Variants in DNAH7 observed in about 807,000 individuals in gnomAD.
DNAH7 encodes the protein dynein axonemal heavy chain 7.
In DNAH7, 397 loss-of-function variants were observed where a neutral mutation model predicts 444.6. That is an observed-to-expected ratio of 0.89 (90% CI 0.82 to 0.97). The LOEUF (loss-of-function observed/expected upper bound fraction) is 0.97. Among genes scored for constraint, DNAH7 ranks in the 50% least tolerant of loss-of-function variants. The pLI is 0.00. For missense variants in DNAH7, 4,902 were observed against 4,800.8 expected (o/e 1.02, Z -0.62); for synonymous variants, 1,636 against 1,624.4 (o/e 1.01, Z -0.17).
At chr2:196,024,295 T>C (rs1695547435) in intron 8 of DNAH7, 134 bp downstream of exon 8, 1 of 518,460 alleles carries the variant, frequency 1.9e-6, no homozygotes, top group Non-Finnish European at 3.1e-6. Flanking sequence ...TGCCTGTATA[T>C]GAAATACATA....
chr2:196,027,908 T>G, intron 6 of DNAH7, 52 bp downstream of exon 6: 1 of 1,534,844 alleles, frequency 6.5e-7, no homozygotes, highest in Non-Finnish European at 8.9e-7. Context: ...AAAATTATCT[T>G]CAAGTGTTTC....
At chr2:196,017,126 G>A (rs148286487) in intron 9 of DNAH7, among the ~76,000 whole-genome samples, 7 of 151,562 alleles carry the variant, frequency 4.6e-5, no homozygotes, top group Admixed American at 1.3e-4. Flanking sequence ...GTTATTTTCC[G>A]GCCTCAGCCT....
At chr2:195,922,574 C>T (rs1444787423) in intron 23 of DNAH7, among the ~76,000 whole-genome samples, 1 of 152,166 alleles carries the variant, frequency 6.6e-6, no homozygotes, top group Non-Finnish European at 1.5e-5. Flanking sequence ...ATGATTCCGC[C>T]ATCTGAGCTT....
In DNAH7 at chr2:195,864,810, T is replaced by A; in HGVS notation, c.6845A>T (p.Asn2282Ile). ...ATCCACATCTGCGATTTCTCTGTAG[T>A]TGGTATCCTCCCTCTTGGGATCATG... ...DFHDPKREDT[N>I]YREIADVDNL... The change falls in exon 41 of 65, where the codon AAC (asparagine) becomes ATC (isoleucine). Residue 2282 changes from asparagine (N) to isoleucine (I), a missense_variant. Transcript: ENST00000312428. 6.2e-7 allele frequency: 1 copy of A among 1,614,220 alleles called. No individual in the cohort carries two copies. Among genetic ancestry groups the A allele is most frequent in the Non-Finnish European group, 8.5e-7 (1 of 1,180,026 alleles).
rs1402686177 is a variant in DNAH7, at chr2:195,936,496, AT to A, written c.3272+102del. 4.2e-6 allele frequency: 3 copies of A among 711,262 alleles called. No individual in the cohort carries two copies. The Admixed American group carries it at 1.2e-4, about 27-fold the overall frequency. 44.1% of individuals were successfully genotyped at this position (711,262 alleles called of 1,614,324 possible). ...TACTTGGAACATTCTTGTAGAAAAA[AT>A]ATTATATAAACATGATTATATATAT... On this transcript the variant is annotated intron_variant, in intron 20 of 64. Coordinates refer to ENST00000312428, the MANE Select transcript of DNAH7 (RefSeq NM_018897.3).
chr2:195,940,796 G>C (rs1349610088), intron 19 of DNAH7, among the ~76,000 whole-genome samples: 2 of 152,116 alleles, frequency 1.3e-5, no homozygotes, highest in Non-Finnish European at 2.9e-5. Flanking sequence ...TGTTATTAGA[G>C]AAATGCAAAT....
chr2:195,931,564 T>C (rs1322737297), intron 21 of DNAH7, among the ~76,000 whole-genome samples: 1 of 151,834 alleles, frequency 6.6e-6, no homozygotes, highest in African/African-American at 2.4e-5. Flanking sequence ...AGGTCTAACA[T>C]TTAAGTCTTT....
intron 27 of DNAH7, among the ~76,000 whole-genome samples, chr2:195,906,410 AACAC>A (rs150739355): frequency 7.2e-6 from 1 of 139,780 alleles, no homozygotes. Flanking sequence ...TACACACAGA[AACAC>A]ACACACACAC....
At chr2:195,785,736 G>A (rs1012996328) in intron 58 of DNAH7, among the ~76,000 whole-genome samples, 45 of 151,644 alleles carry the variant, frequency 3.0e-4, no homozygotes, top group Admixed American at 2.9e-3. Context: ...AACCAGTCTC[G>A]CATACCTGCA....
intron 19 of DNAH7, among the ~76,000 whole-genome samples, chr2:195,953,386 T>C (rs1421156260): frequency 6.6e-6 from 1 of 151,922 alleles, no homozygotes; most frequent in Non-Finnish European, 1.5e-5. Flanking sequence ...GGCTGGGAGG[T>C]ATTTCCCAGT....
chr2:195,808,792 G>C lies in DNAH7; in HGVS notation c.9973C>G (p.Gln3325Glu). ...PYANLCTWLPQKSWDEICRLD... is the reference protein window; with the variant it reads ...PYANLCTWLPEKSWDEICRLD... Reference sequence around the variant, plus strand: ...CGACATATTTCATCCCAGGATTTCTGAGGAAGCCATGTACAAAGGTTGGCA... The same window carrying C: ...CGACATATTTCATCCCAGGATTTCTCAGGAAGCCATGTACAAAGGTTGGCA... Residue 3325 changes from glutamine to glutamate, a missense_variant, in exon 53 of 65, where the codon CAG (glutamine) becomes GAG (glutamate). Transcript: ENST00000312428. 1 of 1,613,982 alleles carries C rather than the reference G, an allele frequency of 6.2e-7. No individual in the cohort carries two copies. Among genetic ancestry groups the C allele is most frequent in the Non-Finnish European group, 8.5e-7 (1 of 1,179,944 alleles).
At chr2:195,754,620 C>A in intron 62 of DNAH7, 106 bp from the exon 63 acceptor site, 1 of 1,060,630 alleles carries the variant, frequency 9.4e-7, no homozygotes, top group East Asian at 2.6e-5. Context: ...AGGTGATCCT[C>A]TCACCTCAGC....
intron 61 of DNAH7, among the ~76,000 whole-genome samples, chr2:195,761,036 T>G (rs1359126180): frequency 1.3e-5 from 2 of 151,998 alleles, no homozygotes; most frequent in African/African-American, 2.4e-5. Flanking sequence ...TATGTGACCT[T>G]GCAGACAGAG....
At chr2:195,988,915 A>G (rs561319820) in intron 12 of DNAH7, among the ~76,000 whole-genome samples, 21 of 152,270 alleles carry the variant, frequency 1.4e-4, no homozygotes, top group African/African-American at 5.1e-4. Flanking sequence ...TTCAGATTCA[A>G]CATATAAGTG....
intron 17 of DNAH7, among the ~76,000 whole-genome samples, chr2:195,966,414 C>T (rs540897128): frequency 1.3e-5 from 2 of 152,192 alleles, no homozygotes; most frequent in East Asian, 1.9e-4. Flanking sequence ...GAGAAGAATT[C>T]GCGTTCTGCA....
chr2:196,029,114 G>A (rs1045419533), intron 5 of DNAH7, among the ~76,000 whole-genome samples: 6 of 152,116 alleles, frequency 3.9e-5, no homozygotes, highest in African/African-American at 7.2e-5. Flanking sequence ...GAGAGAAAAG[G>A]GTTGATTATT....
rs751414269 is a variant in DNAH7 at position 195,888,323 on chromosome 2, A to G, written c.5341T>C (p.Phe1781Leu). 9.3e-6 allele frequency: 15 copies of G among 1,611,592 alleles called. No individual in the cohort carries two copies. In the African/African-American group the frequency reaches 1.5e-4, roughly 16 times the overall value. Residue 1781 changes from phenylalanine to leucine, a missense_variant, in exon 33 of 65, where the codon TTC (phenylalanine) becomes CTC (leucine). Physicochemically the swap from Phe to Leu is conservative, Grantham distance 22. Coordinates refer to ENST00000312428, the MANE Select transcript of DNAH7 (RefSeq NM_018897.3). Reference sequence around the variant, plus strand: ...ATTCTGTCAAATAAGCCCATTATGAATTCCTTTTGAATAACACTGACTGAC... The same window carrying G: ...ATTCTGTCAAATAAGCCCATTATGAGTTCCTTTTGAATAACACTGACTGAC... ...PASVSVIQKE[F>L]IMGLFDRMVP...
chr2:195,982,841 T>G (rs1356319661), intron 15 of DNAH7, among the ~76,000 whole-genome samples: 2 of 152,044 alleles, frequency 1.3e-5, no homozygotes, highest in Non-Finnish European at 2.9e-5. Context: ...TGGGTGGATG[T>G]GGGGGATGTG....
intron 64 of DNAH7, among the ~76,000 whole-genome samples, chr2:195,739,759 G>A (rs988020314): frequency 6.6e-6 from 1 of 152,076 alleles, no homozygotes; most frequent in Non-Finnish European, 1.5e-5. Context: ...GCATTGTCAC[G>A]CTCCTTGGTG....
Sources: allele counts gnomAD v4.1 joint callset (sites outside exome capture counted in the v4.1 genomes callset), GRCh38; gene constraint gnomAD v4.1.1; transcripts MANE v1.5; gene names NCBI Gene and HGNC (gene_info 2026-07-23, HGNC 2026-07-21).